PDZRN4: variants seen among roughly 807,000 people sequenced by gnomAD.
PDZRN4 encodes the protein PDZ domain-containing RING finger protein 4.
PDZRN4 carries 70 observed loss-of-function variants against 99.0 expected under a neutral mutation model. The observed-to-expected ratio is 0.71, with a 90% confidence interval of 0.58 to 0.86. The LOEUF (loss-of-function observed/expected upper bound fraction) is 0.86, where lower values mean the gene tolerates loss of function less well. Among genes scored for constraint, PDZRN4 ranks in the 40% least tolerant of loss-of-function variants. PDZRN4 has a pLI of 0.00. For synonymous variants in PDZRN4, 551 were observed against 501.6 expected, an observed-to-expected ratio of 1.10 and a Z score of -1.32; for missense variants, 1,474 against 1,331.2, an observed-to-expected ratio of 1.11 and a Z score of -1.67.
chr12:41,246,094 T>C (rs1951132157), intron 3 of PDZRN4, among the ~76,000 whole-genome samples: 1 of 152,238 alleles, frequency 6.6e-6, no homozygotes, highest in African/African-American at 2.4e-5. Flanking sequence ...ACAGGAGACA[T>C]GTTCCAACTG....
At chr12:41,421,964 C>T (rs926205350) in intron 3 of PDZRN4, among the ~76,000 whole-genome samples, 10 of 152,034 alleles carry the variant, frequency 6.6e-5, no homozygotes, top group African/African-American at 1.4e-4. Context: ...TCTGTTTTGA[C>T]GATTTATTTA....
intron 3 of PDZRN4, among the ~76,000 whole-genome samples, chr12:41,253,903 A>G (rs1197598663): frequency 2.6e-5 from 4 of 152,152 alleles, no homozygotes; most frequent in Admixed American, 2.0e-4. Flanking sequence ...ACTATTGCAT[A>G]TTCTCACTCA....
intron 3 of PDZRN4, among the ~76,000 whole-genome samples, chr12:41,501,801 G>T (rs1447926052): frequency 6.6e-6 from 1 of 152,056 alleles, no homozygotes; most frequent in Non-Finnish European, 1.5e-5. Flanking sequence ...ATTTGTCTGT[G>T]CTGATCTGAA....
At chr12:41,436,187 A>G (rs1218482836) in intron 3 of PDZRN4, among the ~76,000 whole-genome samples, 1 of 152,192 alleles carries the variant, frequency 6.6e-6, no homozygotes, top group African/African-American at 2.4e-5. Flanking sequence ...ACTGTTCCCA[A>G]TTATGATGCC....
At chr12:41,259,776 T>A (rs553459022) in intron 3 of PDZRN4, among the ~76,000 whole-genome samples, 1 of 152,302 alleles carries the variant, frequency 6.6e-6, no homozygotes, top group African/African-American at 2.4e-5. Context: ...AGGGCTACTT[T>A]TAAGCTAATC....
chr12:41,562,276 AT>A (rs139801986), intron 7 of PDZRN4, among the ~76,000 whole-genome samples: 2,633 of 152,210 alleles, frequency 0.017, 70 homozygotes, highest in East Asian at 0.14. Flanking sequence ...AATAAGGATT[AT>A]TTATTGTGGT....
At chr12:41,382,986 C>A (rs1256308248) in intron 3 of PDZRN4, among the ~76,000 whole-genome samples, 1 of 151,998 alleles carries the variant, frequency 6.6e-6, no homozygotes, top group Non-Finnish European at 1.5e-5. Flanking sequence ...TTGGGATTTT[C>A]CCTAGAAAGG....
intron 3 of PDZRN4, among the ~76,000 whole-genome samples, chr12:41,458,705 T>C (rs1453702900): frequency 6.6e-6 from 1 of 152,118 alleles, no homozygotes; most frequent in African/African-American, 2.4e-5. Context: ...TGGAGGCTCC[T>C]GTTGGTGGGA....
chr12:41,484,569 A>G (rs1336764535), intron 3 of PDZRN4, among the ~76,000 whole-genome samples: 1 of 152,208 alleles, frequency 6.6e-6, no homozygotes, highest in Non-Finnish European at 1.5e-5. Flanking sequence ...TGCATACAGG[A>G]TATTTAACAC....
intron 3 of PDZRN4, among the ~76,000 whole-genome samples, chr12:41,244,411 C>T (rs1340689196): frequency 6.6e-6 from 1 of 152,190 alleles, no homozygotes; most frequent in Admixed American, 6.5e-5. Flanking sequence ...CATGTTACTC[C>T]TCTGCTCAAA....
chr12:41,458,777 G>A (rs558130339), intron 3 of PDZRN4, among the ~76,000 whole-genome samples: 2 of 152,186 alleles, frequency 1.3e-5, no homozygotes, highest in African/African-American at 4.8e-5. Flanking sequence ...CTCTGGGCAA[G>A]AGTAGTGAGA....
intron 3 of PDZRN4, among the ~76,000 whole-genome samples, chr12:41,422,835 T>C (rs1020534474): frequency 2.0e-5 from 3 of 152,136 alleles, no homozygotes; most frequent in African/African-American, 7.2e-5. Context: ...TACATACACA[T>C]TAGTAATATG....
chr12:41,295,856 G>C (rs78464547), intron 3 of PDZRN4, among the ~76,000 whole-genome samples: 2,195 of 152,202 alleles, frequency 0.014, 22 homozygotes, highest in Middle Eastern at 0.034. Flanking sequence ...TTTGCAAAAA[G>C]TTTATGGGGA....
At chr12:41,190,272 A>G (rs893480333) in intron 1 of PDZRN4, among the ~76,000 whole-genome samples, 1 of 152,046 alleles carries the variant, frequency 6.6e-6, no homozygotes, top group East Asian at 1.9e-4. Flanking sequence ...ACCTTGATGA[A>G]TGGAAGCACG....
chr12:41,542,917 C>T (rs1215881972), intron 5 of PDZRN4, among the ~76,000 whole-genome samples: 1 of 152,052 alleles, frequency 6.6e-6, no homozygotes, highest in Non-Finnish European at 1.5e-5. Context: ...TGCTTTCTCT[C>T]AATCATCCTA....
intron 3 of PDZRN4, among the ~76,000 whole-genome samples, chr12:41,480,193 G>T (rs1016973718): frequency 3.3e-5 from 5 of 152,104 alleles, no homozygotes; most frequent in African/African-American, 9.7e-5. Flanking sequence ...CAGCTGGCCT[G>T]TTTATTGTCT....
At chr12:41,493,901 T>C (rs368858076) in intron 3 of PDZRN4, among the ~76,000 whole-genome samples, 2 of 138,370 alleles carry the variant, frequency 1.4e-5, no homozygotes, top group Non-Finnish European at 3.2e-5. Context: ...AAAAAAATAA[T>C]GGGGGGGGGG....
chr12:41,495,088 C>T (rs765041490), intron 3 of PDZRN4, among the ~76,000 whole-genome samples: 9 of 151,834 alleles, frequency 5.9e-5, no homozygotes, highest in African/African-American at 1.5e-4. Context: ...AAAGGTATAA[C>T]GATGCAGGTG....
intron 3 of PDZRN4, among the ~76,000 whole-genome samples, chr12:41,196,303 G>A (rs954585850): frequency 1.3e-5 from 2 of 152,110 alleles, no homozygotes; most frequent in Admixed American, 6.5e-5. Context: ...GCATATATTA[G>A]CAGTTAATGA....
Sources: gnomAD v4.1 joint callset for allele counts (sites outside exome capture counted in the v4.1 genomes callset) on GRCh38, gnomAD v4.1.1 for gene constraint, MANE v1.5 for transcripts, NCBI Gene and HGNC (gene_info 2026-07-23, HGNC 2026-07-21) for gene names.